PODXL: variants seen among roughly 807,000 people sequenced by gnomAD.
PODXL encodes podocalyxin.
PODXL carries 20 observed loss-of-function variants against 48.9 expected under a neutral mutation model. That is an observed-to-expected ratio of 0.41 (90% CI 0.29 to 0.59). The LOEUF (loss-of-function observed/expected upper bound fraction) is 0.59, where lower values mean the gene tolerates loss of function less well. PODXL is among the 20% of genes least tolerant of loss of function. The pLI is 0.31. For missense variants in PODXL, 606 were observed against 675.1 expected (o/e 0.90, Z 1.13); for synonymous variants, 295 against 287.4 (o/e 1.03, Z -0.27).
intron 1 of PODXL, among the ~76,000 whole-genome samples, chr7:131,543,076 G>T (rs1253902270): frequency 6.6e-6 from 1 of 152,134 alleles, no homozygotes; most frequent in Non-Finnish European, 1.5e-5. Context: ...CATCAGTTCA[G>T]CCAAATGTAT....
At chr7:131,519,066 C>T (rs1006465528) in intron 1 of PODXL, among the ~76,000 whole-genome samples, 6 of 152,318 alleles carry the variant, frequency 3.9e-5, no homozygotes, top group African/African-American at 1.4e-4. Flanking sequence ...TTAGCTCCTG[C>T]TGATGAATCT....
intron 1 of PODXL, among the ~76,000 whole-genome samples, chr7:131,542,091 T>G (rs1220210149): frequency 6.6e-6 from 1 of 152,186 alleles, no homozygotes; most frequent in Admixed American, 6.5e-5. Context: ...AATATTTCCC[T>G]CTGAAGTTTT....
chr7:131,523,369 A>G (rs986607555), intron 1 of PODXL, among the ~76,000 whole-genome samples: 1 of 152,194 alleles, frequency 6.6e-6, no homozygotes, highest in African/African-American at 2.4e-5. Flanking sequence ...GCAATTCAAC[A>G]CATTAAGAAG....
At chr7:131,525,251 T>C (rs560813431) in intron 1 of PODXL, among the ~76,000 whole-genome samples, 225 of 152,052 alleles carry the variant, frequency 1.5e-3, no homozygotes, top group African/African-American at 5.3e-3. Context: ...CAGGAAATCC[T>C]AGGATGTAAT....
intron 1 of PODXL, among the ~76,000 whole-genome samples, chr7:131,536,788 A>T (rs528259959): frequency 6.6e-6 from 1 of 152,194 alleles, no homozygotes; most frequent in African/African-American, 2.4e-5. Flanking sequence ...CCCTTTCCCT[A>T]TCATTTTAAA....
At chr7:131,533,886 C>G (rs1798324328) in intron 1 of PODXL, among the ~76,000 whole-genome samples, 1 of 152,236 alleles carries the variant, frequency 6.6e-6, no homozygotes, top group Non-Finnish European at 1.5e-5. Flanking sequence ...TGTCTGAATG[C>G]TGTTCCTCAG....
intron 1 of PODXL, among the ~76,000 whole-genome samples, chr7:131,517,950 G>C (rs1415908765): frequency 6.6e-6 from 1 of 152,114 alleles, no homozygotes; most frequent in Non-Finnish European, 1.5e-5. Context: ...TGTTGGCCAG[G>C]CTGGTCTCGA....
At position 131,502,746 on chromosome 7, in the gene PODXL, C is replaced by T. The variant is rs1292581069; in HGVS notation, c.*1565G>A. ...CCACACAGGATTCCCCCTTCTCAAT[C>T]AGATGAAACCTCACCATGCCCACTG... On this transcript the variant is annotated 3_prime_UTR_variant, in exon 9 of 9. Transcript: ENST00000378555. 1 of 152,704 alleles carries T rather than the reference C, an allele frequency of 6.5e-6. No individual in the cohort carries two copies. The highest frequency in any genetic ancestry group is 1.5e-5 in the Non-Finnish European group (1 of 68,072). The allele number at this position is 152,704 out of a possible 1,614,324, so 9.5% of individuals were successfully genotyped here. A position where few individuals can be genotyped will look rare whatever the true frequency, so the allele number is the denominator to read the frequency against.
chr7:131,503,114 G>A lies in PODXL; in HGVS notation c.*1197C>T, dbSNP rs1369123923. Reference sequence around the variant, plus strand: ...AGCTTTTGGCCTTTGGCAGTGGAGGGCTGGGTTAGAAAACAACTATAACAA... The same window carrying A: ...AGCTTTTGGCCTTTGGCAGTGGAGGACTGGGTTAGAAAACAACTATAACAA... On this transcript the variant is annotated 3_prime_UTR_variant, in exon 9 of 9. Coordinates refer to ENST00000378555, the MANE Select transcript of PODXL (RefSeq NM_001018111.3). The A allele has an allele frequency of 6.5e-6, 1 of 152,714 alleles. No individual in the cohort carries two copies. The highest frequency in any genetic ancestry group is 6.5e-5 in the Admixed American group (1 of 15,280). 9.5% of individuals were successfully genotyped at this position (152,714 alleles called of 1,614,324 possible). A position where few individuals can be genotyped will look rare whatever the true frequency, so the allele number is the denominator to read the frequency against.
chr7:131,507,585 C>A (rs1173658375), intron 5 of PODXL, among the ~76,000 whole-genome samples: 2 of 152,046 alleles, frequency 1.3e-5, no homozygotes, highest in Non-Finnish European at 2.9e-5. Flanking sequence ...AAGGTTTCTA[C>A]CAGAATTTCC....
rs1584840200 is a variant in PODXL, at chr7:131,556,579, G to T, written c.-220C>A. 1 of 414,622 alleles carries T rather than the reference G, an allele frequency of 2.4e-6. No individual in the cohort carries two copies. Among genetic ancestry groups the T allele is most frequent in the Non-Finnish European group, 3.8e-6 (1 of 260,226 alleles). The allele number at this position is 414,622 out of a possible 1,614,324, so 25.7% of individuals were successfully genotyped here. On this transcript the variant is annotated 5_prime_UTR_variant, in exon 1 of 9. Coordinates refer to ENST00000378555, the MANE Select transcript of PODXL (RefSeq NM_001018111.3). ...GCAGAGCCAGTGGCAGAGGAGCGGC[G>T]GCGGCGGCGGCTGCGTCCTGGGCGG...
At chr7:131,517,523 G>A (rs975883175) in intron 1 of PODXL, among the ~76,000 whole-genome samples, 2 of 152,226 alleles carry the variant, frequency 1.3e-5, no homozygotes, top group Non-Finnish European at 1.5e-5. Flanking sequence ...CCATGGCTGC[G>A]TTAACAAATG....
intron 1 of PODXL, 111 bp downstream of exon 1, chr7:131,556,149 G>C: frequency 7.6e-7 from 1 of 1,308,546 alleles, no homozygotes; most frequent in Non-Finnish European, 9.8e-7. Context: ...GGCGGTGATA[G>C]GGCTGCTCGG....
At chr7:131,527,275 A>T (rs1440056215) in intron 1 of PODXL, among the ~76,000 whole-genome samples, 1 of 152,238 alleles carries the variant, frequency 6.6e-6, no homozygotes, top group African/African-American at 2.4e-5. Context: ...GGTGGACTAC[A>T]TCTATTAGCA....
rs1256056712 is a variant in PODXL at position 131,556,276 on chromosome 7, C to T, written c.84G>A (p.Pro28=). The T allele has an allele frequency of 1.3e-6, 1 of 779,994 alleles. No homozygotes were observed. The highest frequency in any genetic ancestry group is 1.6e-6 in the Non-Finnish European group (1 of 617,368). 48.3% of individuals were successfully genotyped at this position (779,994 alleles called of 1,614,324 possible). The change falls in exon 1 of 9, where the codon CCG becomes CCA. Residue 28 remains proline (P), a synonymous_variant. Transcript: ENST00000378555. The stretch of plus-strand genomic sequence containing the variant: ...GCCACTCACCATTCTGGGAGGGCGA[C>T]GGCGACGGCGACGGCGACGACGGCA... ...PLLPSSPSPS[P]SPSQNATQTT... is the part of the protein sequence containing the mutation.
chr7:131,553,250 T>C lies in PODXL; in HGVS notation c.100+3010A>G, dbSNP rs371584097. ...CATTAGGAAACACTGACCCTTTTAA[T>C]TTTAAAATCCCTATGTGAAAACCCC... On this transcript the variant is annotated intron_variant, in intron 1 of 8. Transcript: ENST00000378555. Among the ~76,000 whole-genome samples, 17 of 152,300 alleles carry C rather than the reference T, an allele frequency of 1.1e-4. No individual in the cohort carries two copies. The East Asian group carries it at 1.2e-3, about 10-fold the overall frequency.
intron 5 of PODXL, chr7:131,506,939 C>T: frequency 1.7e-6 from 1 of 589,276 alleles, no homozygotes; most frequent in Non-Finnish European, 3.0e-6. Context: ...CTGTCTCGTT[C>T]CCATCAGCCC....
At chr7:131,517,165 A>G (rs1336189109) in intron 1 of PODXL, among the ~76,000 whole-genome samples, 1 of 152,194 alleles carries the variant, frequency 6.6e-6, no homozygotes, top group African/African-American at 2.4e-5. Context: ...GTATGTTAAT[A>G]GGAAATGCTG....
chr7:131,547,811 A>T (rs1584833414), intron 1 of PODXL, among the ~76,000 whole-genome samples: 1 of 152,166 alleles, frequency 6.6e-6, no homozygotes, highest in African/African-American at 2.4e-5. Flanking sequence ...TCCACGGAAT[A>T]CCACCCGCAG....
Sources: gnomAD v4.1 joint callset for allele counts (sites outside exome capture counted in the v4.1 genomes callset) on GRCh38, gnomAD v4.1.1 for gene constraint, MANE v1.5 for transcripts, NCBI Gene and HGNC (gene_info 2026-07-23, HGNC 2026-07-21) for gene names.